Variants in XIRP2 observed in about 807,000 individuals in gnomAD.
The protein encoded by XIRP2 is xin actin-binding repeat-containing protein 2.
A neutral mutation model predicts 277.0 loss-of-function variants in XIRP2; 236 were observed. That is an observed-to-expected ratio of 0.85 (90% CI 0.77 to 0.95). The LOEUF is 0.95. XIRP2 is among the 40% of genes least tolerant of loss of function. The pLI, the probability that XIRP2 is intolerant of heterozygous loss-of-function variation, is 0.00. For missense variants in XIRP2, 4,640 were observed against 4,157.5 expected, an observed-to-expected ratio of 1.12 and a Z score of -3.19; for synonymous variants, 1,490 against 1,416.5, an observed-to-expected ratio of 1.05 and a Z score of -1.17.
intron 2 of XIRP2, among the ~76,000 whole-genome samples, chr2:167,064,637 T>C (rs1431084683): frequency 3.3e-5 from 5 of 151,880 alleles, no homozygotes; most frequent in Admixed American, 1.3e-4. Context: ...ATGAAATTTC[T>C]ATACTCATTA....
chr2:167,125,922 C>T (rs1691189228), intron 2 of XIRP2, among the ~76,000 whole-genome samples: 1 of 152,140 alleles, frequency 6.6e-6, no homozygotes, highest in Middle Eastern at 3.2e-3. Flanking sequence ...CAGGACTGAA[C>T]ATCCATGATA....
intron 2 of XIRP2, among the ~76,000 whole-genome samples, chr2:167,110,545 T>TA (rs1397982614): frequency 1.3e-5 from 2 of 152,214 alleles, no homozygotes; most frequent in Non-Finnish European, 2.9e-5. Flanking sequence ...TCTGTTTTTG[T>TA]ACCAGTAGCA....
At chr2:167,232,127 A>G (rs778717898) in intron 5 of XIRP2, among the ~76,000 whole-genome samples, 4 of 152,040 alleles carry the variant, frequency 2.6e-5, no homozygotes, top group Non-Finnish European at 5.9e-5. Flanking sequence ...AAGATAAATT[A>G]TCTACAAATC....
chr2:167,209,358 A>T (rs1693954799), intron 3 of XIRP2, among the ~76,000 whole-genome samples: 1 of 152,202 alleles, frequency 6.6e-6, no homozygotes, highest in Non-Finnish European at 1.5e-5. Context: ...AATCTTGAAG[A>T]TGCTAATAGA....
chr2:166,898,148 G>T (rs980829159), intron 1 of XIRP2, among the ~76,000 whole-genome samples: 2 of 152,108 alleles, frequency 1.3e-5, no homozygotes, highest in African/African-American at 4.8e-5. Context: ...ACCCAGCCCA[G>T]GTAGGAAATT....
rs564822162 is a variant in XIRP2, at chr2:167,150,084, C to T, written c.562+14022C>T. ...ATATACTCATGTAACAAAACTGCAC[C>T]GGTACCCCCTGGATCTAAAATAATG... On this transcript the variant is annotated intron_variant, in intron 3 of 10. Coordinates refer to ENST00000409195, the MANE Select transcript of XIRP2 (RefSeq NM_152381.6). Among the ~76,000 whole-genome samples the T allele has an allele frequency of 7.2e-5, 11 of 151,822 alleles. 1 individual carries two copies. The South Asian group carries it at 2.3e-3, about 32-fold the overall frequency.
rs201006927 is a variant in XIRP2 at position 167,153,978 on chromosome 2, C to G, written c.562+17916C>G. ...TTCTAATTCTAGATCCCTGAGGAAT[C>G]GCCACACTGACTTCCACAATGGTTG... On this transcript the variant is annotated intron_variant, in intron 3 of 10. Transcript: ENST00000409195. 3.9e-4 allele frequency among the ~76,000 whole-genome samples: 57 copies of G among 147,012 alleles called. 1 individual carries two copies. Among genetic ancestry groups the G allele is most frequent in the African/African-American group, 1.3e-3 (52 of 39,386 alleles).
intron 2 of XIRP2, among the ~76,000 whole-genome samples, chr2:167,031,003 G>A (rs948556443): frequency 1.3e-5 from 2 of 148,236 alleles, no homozygotes; most frequent in Admixed American, 1.4e-4. Context: ...TCAGAGATTA[G>A]GATTGCAAGC....
intron 2 of XIRP2, among the ~76,000 whole-genome samples, chr2:167,016,539 C>T (rs1188073748): frequency 6.6e-6 from 1 of 152,088 alleles, no homozygotes; most frequent in Middle Eastern, 3.4e-3. Context: ...TGCATAGACA[C>T]TTGTACTCAA....
intron 3 of XIRP2, among the ~76,000 whole-genome samples, chr2:167,182,052 G>A (rs1693032147): frequency 6.6e-6 from 1 of 152,114 alleles, no homozygotes; most frequent in East Asian, 1.9e-4. Context: ...TATGCCCAAA[G>A]ACCTTATTCA....
intron 3 of XIRP2, among the ~76,000 whole-genome samples, chr2:167,146,154 T>C (rs1371589069): frequency 6.6e-6 from 1 of 151,962 alleles, no homozygotes; most frequent in African/African-American, 2.4e-5. Flanking sequence ...ATACAACTAA[T>C]TGTATATTGC....
intron 2 of XIRP2, among the ~76,000 whole-genome samples, chr2:167,086,963 C>A (rs1412794807): frequency 6.6e-6 from 1 of 152,158 alleles, no homozygotes; most frequent in African/African-American, 2.4e-5. Context: ...ATTCTCCATC[C>A]AGCTTTGTTC....
Position 167,258,001 on chromosome 2 carries a change from A to C in XIRP2, c.*184A>C. 6.2e-7 allele frequency: 1 copy of C among 1,613,230 alleles called. No individual in the cohort carries two copies. The highest frequency in any genetic ancestry group is 8.5e-7 in the Non-Finnish European group (1 of 1,179,486). The stretch of plus-strand genomic sequence containing the variant: ...GGAACTGCAAAAACCAAAGCAGATC[A>C]GTGGACTTTATTCCTAATGAAGAAC... On this transcript the variant is annotated 3_prime_UTR_variant, in exon 11 of 11. Transcript: ENST00000409195.
At chr2:166,959,168 T>C (rs1686240910) in intron 2 of XIRP2, among the ~76,000 whole-genome samples, 1 of 151,844 alleles carries the variant, frequency 6.6e-6, no homozygotes, top group East Asian at 1.9e-4. Context: ...CTTTTCTTGC[T>C]GTCGTCTTTA....
At chr2:167,076,459 G>T (rs1479755020) in intron 2 of XIRP2, among the ~76,000 whole-genome samples, 2 of 152,108 alleles carry the variant, frequency 1.3e-5, no homozygotes, top group South Asian at 2.1e-4. Context: ...ACTCATAGAG[G>T]ATAAGAAAAT....
chr2:166,994,634 A>G (rs1157245286), intron 2 of XIRP2, among the ~76,000 whole-genome samples: 1 of 133,968 alleles, frequency 7.5e-6, no homozygotes, highest in Admixed American at 7.0e-5. Context: ...CGTTGAATCC[A>G]TTCTTCAATT....
chr2:167,030,685 T>A (rs1314948776), intron 2 of XIRP2, among the ~76,000 whole-genome samples: 2 of 152,200 alleles, frequency 1.3e-5, no homozygotes, highest in African/African-American at 2.4e-5. Flanking sequence ...ATATATATTC[T>A]GTTGATTTCG....
chr2:167,159,013 A>G (rs1487737048), intron 3 of XIRP2, among the ~76,000 whole-genome samples: 1 of 152,156 alleles, frequency 6.6e-6, no homozygotes, highest in Non-Finnish European at 1.5e-5. Flanking sequence ...GAATCTGGAA[A>G]TAGGCCCCTT....
chr2:167,059,348 C>A, intron 2 of XIRP2, among the ~76,000 whole-genome samples: 1 of 151,056 alleles, frequency 6.6e-6, no homozygotes. Flanking sequence ...GAACTCCTGA[C>A]CTCGGGTGAT....
Sources: allele counts gnomAD v4.1 joint callset (sites outside exome capture counted in the v4.1 genomes callset), GRCh38; gene constraint gnomAD v4.1.1; transcripts MANE v1.5; gene names NCBI Gene and HGNC (gene_info 2026-07-23, HGNC 2026-07-21).